Variants in PARD3B observed in about 807,000 individuals in gnomAD.
PARD3B encodes partitioning defective 3 homolog B.
Under a neutral mutation model 130.2 loss-of-function variants are expected in PARD3B, and 103 were observed. That is an observed-to-expected ratio of 0.79 (90% CI 0.67 to 0.93). The LOEUF (loss-of-function observed/expected upper bound fraction) is 0.93. Ranked by LOEUF, PARD3B falls within the 40% of genes least tolerant of loss-of-function variation. The pLI is 0.00. For synonymous variants in PARD3B, 583 were observed against 553.2 expected, an observed-to-expected ratio of 1.05 and a Z score of -0.76; for missense variants, 1,609 against 1,499.2, an observed-to-expected ratio of 1.07 and a Z score of -1.21.
At chr2:205,413,852 C>G (rs1018495979) in intron 19 of PARD3B, among the ~76,000 whole-genome samples, 1 of 152,112 alleles carries the variant, frequency 6.6e-6, no homozygotes, top group South Asian at 2.1e-4. Flanking sequence ...GCTTGTGTCC[C>G]CATCCCCTTT....
At chr2:205,057,315 GTA>G (rs985401880) in intron 4 of PARD3B, among the ~76,000 whole-genome samples, 5 of 146,406 alleles carry the variant, frequency 3.4e-5, no homozygotes, top group African/African-American at 1.3e-4. Context: ...ATTCGTATAT[GTA>G]TGTTATATAT....
At chr2:205,553,833 G>A (rs1385137383) in intron 22 of PARD3B, among the ~76,000 whole-genome samples, 1 of 152,192 alleles carries the variant, frequency 6.6e-6, no homozygotes, top group Non-Finnish European at 1.5e-5. Context: ...TTAGGAAGGT[G>A]TTCTTTGCCT....
chr2:204,975,969 G>A (rs1692104154), intron 3 of PARD3B, among the ~76,000 whole-genome samples: 1 of 152,048 alleles, frequency 6.6e-6, no homozygotes, highest in African/African-American at 2.4e-5. Flanking sequence ...TGACTGCCTT[G>A]TTGCCCTGTT....
intron 2 of PARD3B, among the ~76,000 whole-genome samples, chr2:204,925,565 T>TCG (rs369347131): frequency 0.21 from 32,529 of 151,990 alleles, 4,031 homozygotes; most frequent in Non-Finnish European, 0.29. Flanking sequence ...TGAACAGGAA[T>TCG]TACGGCAAGA....
chr2:204,550,310 TTG>T (rs200872651), intron 1 of PARD3B, among the ~76,000 whole-genome samples: 1 of 152,042 alleles, frequency 6.6e-6, no homozygotes, highest in Admixed American at 6.6e-5. Context: ...GACAAGAAAA[TTG>T]TGTGTGTGTG....
intron 2 of PARD3B, among the ~76,000 whole-genome samples, chr2:204,785,339 A>G (rs2041973121): frequency 6.6e-6 from 1 of 151,986 alleles, no homozygotes; most frequent in African/African-American, 2.4e-5. Flanking sequence ...TCTCTAACAT[A>G]CTTTTCCCCC....
intron 2 of PARD3B, among the ~76,000 whole-genome samples, chr2:204,851,715 T>C (rs1168558646): frequency 3.3e-5 from 5 of 151,936 alleles, no homozygotes; most frequent in African/African-American, 1.2e-4. Context: ...ACAAGAAGAA[T>C]AAAAACACAT....
chr2:205,471,383 C>G (rs1357157476), intron 20 of PARD3B, among the ~76,000 whole-genome samples: 2 of 108,242 alleles, frequency 1.8e-5, no homozygotes, highest in Non-Finnish European at 3.5e-5. Context: ...TTTTCTGAGA[C>G]AGAGTTTCAC....
intron 2 of PARD3B, among the ~76,000 whole-genome samples, chr2:204,928,501 G>T (rs1201250074): frequency 2.0e-5 from 3 of 152,092 alleles, no homozygotes; most frequent in African/African-American, 7.2e-5. Context: ...ACATATAAAC[G>T]TGTATGCCTA....
At chr2:204,824,294 A>C (rs895442254) in intron 2 of PARD3B, among the ~76,000 whole-genome samples, 1 of 152,166 alleles carries the variant, frequency 6.6e-6, no homozygotes, top group Non-Finnish European at 1.5e-5. Context: ...TATTATTTTT[A>C]TCTTGGAGCC....
At chr2:204,776,749 C>T (rs540836254) in intron 2 of PARD3B, among the ~76,000 whole-genome samples, 12 of 151,900 alleles carry the variant, frequency 7.9e-5, no homozygotes, top group South Asian at 6.2e-4. Flanking sequence ...CAGAGGAATT[C>T]GGATATTTGG....
At chr2:205,413,901 T>G (rs949204395) in intron 19 of PARD3B, among the ~76,000 whole-genome samples, 1 of 152,198 alleles carries the variant, frequency 6.6e-6, no homozygotes, top group African/African-American at 2.4e-5. Flanking sequence ...TAGTTTTAAG[T>G]ACCATTTATT....
At chr2:204,999,980 G>T in intron 3 of PARD3B, among the ~76,000 whole-genome samples, 1 of 150,882 alleles carries the variant, frequency 6.6e-6, no homozygotes, top group East Asian at 1.9e-4. Flanking sequence ...TTGCAGAATT[G>T]TTACCAATGA....
intron 2 of PARD3B, among the ~76,000 whole-genome samples, chr2:204,726,706 C>T (rs2039245102): frequency 6.6e-6 from 1 of 152,170 alleles, no homozygotes; most frequent in South Asian, 2.1e-4. Context: ...GCTTCTCCTA[C>T]CCAAGGCTAA....
chr2:205,138,358 C>G (rs1398099822), intron 10 of PARD3B, among the ~76,000 whole-genome samples: 1 of 152,106 alleles, frequency 6.6e-6, no homozygotes, highest in Non-Finnish European at 1.5e-5. Flanking sequence ...GTGCATTTCT[C>G]TCTTATGCTG....
chr2:205,370,704 C>A (rs746202824), intron 18 of PARD3B, among the ~76,000 whole-genome samples: 14 of 152,192 alleles, frequency 9.2e-5, no homozygotes, highest in Non-Finnish European at 1.8e-4. Flanking sequence ...TGAATCCGAG[C>A]TGTTATTTAA....
intron 21 of PARD3B, among the ~76,000 whole-genome samples, chr2:205,524,602 G>A (rs1376799916): frequency 6.6e-6 from 1 of 152,142 alleles, no homozygotes; most frequent in African/African-American, 2.4e-5. Flanking sequence ...CATCTAATTA[G>A]AAGAGAGAGC....
At chr2:205,376,408 T>C (rs2045055906) in intron 18 of PARD3B, among the ~76,000 whole-genome samples, 1 of 117,182 alleles carries the variant, frequency 8.5e-6, no homozygotes, top group South Asian at 2.7e-4. Context: ...GCTGGCCCAT[T>C]ACCCACCCCT....
intron 3 of PARD3B, among the ~76,000 whole-genome samples, chr2:205,022,130 T>G (rs914355863): frequency 3.9e-5 from 6 of 152,196 alleles, no homozygotes; most frequent in African/African-American, 1.4e-4. Context: ...AGTTATATTT[T>G]AAATGTTATA....
Sources: allele counts gnomAD v4.1 joint callset (sites outside exome capture counted in the v4.1 genomes callset), GRCh38; gene constraint gnomAD v4.1.1; transcripts MANE v1.5; gene names NCBI Gene and HGNC (gene_info 2026-07-23, HGNC 2026-07-21).